The following LRRC19 variants were observed in gnomAD, a reference collection of about 807,000 sequenced individuals.
LRRC19 encodes leucine rich repeat containing 19.
Under a neutral mutation model 33.3 loss-of-function variants are expected in LRRC19, and 33 were observed. The ratio of observed to expected loss-of-function variants is 0.99; its 90% CI spans 0.75 to 1.33. LRRC19 has a LOEUF of 1.33. LRRC19 is among the 40% of genes most tolerant of loss of function. LRRC19 has a pLI of 0.00. For missense variants in LRRC19, 463 were observed against 417.3 expected (o/e 1.11, Z -0.95); for synonymous variants, 184 against 152.3 (o/e 1.21, Z -1.53).
rs1169398859 is a variant in LRRC19 at position 26,996,421 on chromosome 9, T to C, written c.674A>G (p.Glu225Gly). 1.2e-6 allele frequency: 2 copies of C among 1,609,466 alleles called. No homozygotes were observed. Among genetic ancestry groups the C allele is most frequent in the South Asian group, 1.1e-5 (1 of 90,450 alleles). ...YNIKTVPHKA[E>G]CHSKFPSSVT... ...TGATGAAGGAAATTTTGAGTGGCAT[T>C]CAGCCTTATGAGGTACTGTTTTGAT... is the stretch of plus-strand genomic sequence containing the variant. The change falls in exon 4 of 5, where the codon GAA (glutamate) becomes GGA (glycine). Residue 225 changes from glutamate to glycine, a missense_variant. Glu to Gly is a moderately conservative substitution (Grantham distance 98). Coordinates refer to ENST00000380055, the MANE Select transcript of LRRC19 (RefSeq NM_022901.3).
intron 1 of LRRC19, among the ~76,000 whole-genome samples, chr9:27,000,154 A>T (rs1379051913): frequency 6.6e-6 from 1 of 152,172 alleles, no homozygotes; most frequent in Non-Finnish European, 1.5e-5. Flanking sequence ...TTGCACTCTG[A>T]TCTTAATAAA....
chr9:27,001,666 G>A (rs760186173), intron 1 of LRRC19, among the ~76,000 whole-genome samples: 42 of 151,804 alleles, frequency 2.8e-4, no homozygotes, highest in Non-Finnish European at 5.4e-4. Flanking sequence ...GTTTTTTATC[G>A]GTTTGTTTTT....
At chr9:26,999,761 C>A (rs1587322543) in intron 1 of LRRC19, 58 bp from the exon 2 acceptor site, 533 of 637,776 alleles carry the variant, frequency 8.4e-4, no homozygotes, top group Non-Finnish European at 1.2e-3. Flanking sequence ...TCTTTTGAAT[C>A]TGTTTATTCT....
At chr9:27,002,196 A>C (rs145997721) in intron 1 of LRRC19, among the ~76,000 whole-genome samples, 3,413 of 152,238 alleles carry the variant, frequency 0.022, 62 homozygotes, top group Non-Finnish European at 0.036. Flanking sequence ...CAGTGATGCC[A>C]TTTTGGCTCA....
At chr9:26,997,676 G>C in intron 3 of LRRC19, 52 bp downstream of exon 3, 1 of 1,519,248 alleles carries the variant, frequency 6.6e-7, no homozygotes. Context: ...TTTTTCTGTG[G>C]TGGAACATTG....
intron 1 of LRRC19, among the ~76,000 whole-genome samples, chr9:27,001,569 G>A (rs1828493104): frequency 6.6e-6 from 1 of 151,936 alleles, no homozygotes; most frequent in Non-Finnish European, 1.5e-5. Flanking sequence ...CTGATGTTGA[G>A]CATTTTTTCC....
In LRRC19 at chr9:26,999,626, C is replaced by A. The variant is rs769375476; in HGVS notation, c.69G>T (p.Gln23His). The A allele has an allele frequency of 9.4e-6, 15 of 1,600,778 alleles. No individual in the cohort carries two copies. The East Asian group carries it at 3.4e-4, about 36-fold the overall frequency. The change falls in exon 2 of 5, where the codon CAG (glutamine) becomes CAT (histidine). Residue 23 changes from glutamine to histidine, a missense_variant. Physicochemically the swap from Gln to His is conservative, Grantham distance 24. Transcript: ENST00000380055. ...TGTAAAAACTTACTCTTTTAGAAGA[C>A]TGGATTTTGTCTGATAATAATATCA... is the stretch of plus-strand genomic sequence containing the variant. ...LSMILLSDKI[Q>H]SSKREVQCNF...
intron 3 of LRRC19, among the ~76,000 whole-genome samples, chr9:26,997,347 T>C (rs535146285): frequency 1.8e-4 from 26 of 147,774 alleles, no homozygotes; most frequent in South Asian, 8.8e-4. Context: ...TTTTTTTTTT[T>C]TTTTGAGACA....
chr9:26,995,999 C>A (rs1828135544), intron 4 of LRRC19, 150 bp from the exon 5 acceptor site: 1 of 663,040 alleles, frequency 1.5e-6, no homozygotes, highest in Non-Finnish European at 2.4e-6. Context: ...TGGATGAATT[C>A]TCTTTGTTCA....
At chr9:26,999,867 G>T (rs1025524153) in intron 1 of LRRC19, among the ~76,000 whole-genome samples, 164 bp from the exon 2 acceptor site, 1 of 149,412 alleles carries the variant, frequency 6.7e-6, no homozygotes, top group South Asian at 2.1e-4. Flanking sequence ...GATCTCCCAG[G>T]CTTAAGCAGT....
At chr9:26,996,116 T>A (rs2131567558) in intron 4 of LRRC19, among the ~76,000 whole-genome samples, 195 bp downstream of exon 4, 2 of 152,332 alleles carry the variant, frequency 1.3e-5, no homozygotes, top group African/African-American at 4.8e-5. Context: ...TCAGAGAAGT[T>A]AAATAATTTG....
chr9:27,001,431 A>G lies in LRRC19; in HGVS notation c.-9-1728T>C, dbSNP rs191717457. On this transcript the variant is annotated intron_variant, in intron 1 of 4. Coordinates refer to ENST00000380055, the MANE Select transcript of LRRC19 (RefSeq NM_022901.3). ...TACTAATTTACATTCCCAAGAGTGT[A>G]TGAGGGTTCCCCTTTCTCCACATCG... 4.6e-5 allele frequency among the ~76,000 whole-genome samples: 7 copies of G among 152,260 alleles called. No individual in the cohort carries two copies. The East Asian group carries it at 1.2e-3, about 25-fold the overall frequency.
rs530725392 is a variant in LRRC19 at position 26,993,669 on chromosome 9, A to G, written c.*1852T>C. On this transcript the variant is annotated 3_prime_UTR_variant, in exon 5 of 5. Coordinates refer to ENST00000380055, the MANE Select transcript of LRRC19 (RefSeq NM_022901.3). ...ATACAAATTTTTAAAACTTTATTATATACATAAACAATTTGAACATACACA... is the reference window on the plus strand; with the variant it reads ...ATACAAATTTTTAAAACTTTATTATGTACATAAACAATTTGAACATACACA... 177 of 152,322 alleles carry G rather than the reference A, an allele frequency of 1.2e-3. 1 individual carries two copies. The highest frequency in any genetic ancestry group is 4.1e-3 in the African/African-American group (170 of 41,556). 9.4% of individuals were successfully genotyped at this position (152,322 alleles called of 1,614,324 possible). A position where few individuals can be genotyped will look rare whatever the true frequency, so the allele number is the denominator to read the frequency against.
intron 1 of LRRC19, among the ~76,000 whole-genome samples, chr9:27,001,486 T>G (rs1828487968): frequency 6.6e-6 from 1 of 152,320 alleles, no homozygotes; most frequent in East Asian, 1.9e-4. Flanking sequence ...CCTGTCATAT[T>G]GATAGAAGCT....
At position 26,995,605 on chromosome 9, in the gene LRRC19, T is replaced by C; in HGVS notation, c.1029A>G (p.Glu343=). ...TNSEETTVIF[E]QLHSFVVDDD... ...CATCTACCACAAATGAATGTAATTGTTCAAATATTACTGTAGTTTCTTCAG... is the reference window on the plus strand; with the variant it reads ...CATCTACCACAAATGAATGTAATTGCTCAAATATTACTGTAGTTTCTTCAG... The change falls in exon 5 of 5, where the codon GAA becomes GAG. Residue 343 remains glutamate (E), a synonymous_variant. Transcript: ENST00000380055. 2.5e-6 allele frequency: 4 copies of C among 1,609,718 alleles called. No individual in the cohort carries two copies. Among genetic ancestry groups the C allele is most frequent in the Non-Finnish European group, 3.4e-6 (4 of 1,176,112 alleles).
chr9:26,997,664 G>T, intron 3 of LRRC19, 64 bp downstream of exon 3: 1 of 1,498,356 alleles, frequency 6.7e-7, no homozygotes, highest in Non-Finnish European at 8.9e-7. Flanking sequence ...TGATATGAGA[G>T]ATTTTTCTGT....
Position 26,998,259 on chromosome 9 carries a change from AG to A in LRRC19, c.82-19del. 3 of 1,359,596 alleles carry A rather than the reference AG, an allele frequency of 2.2e-6. No individual in the cohort carries two copies. The East Asian group carries it at 7.2e-5, about 33-fold the overall frequency. The allele number at this position is 1,359,596 out of a possible 1,614,324, so 84.2% of individuals were successfully genotyped here. On this transcript the variant is annotated intron_variant, in intron 2 of 4. Transcript: ENST00000380055. ...TGGACTTCCTAGAAAAACAAAAAAA[AG>A]AAAGGCATTAATCAGAAAAAAAATT...
chr9:27,000,337 G>A (rs1218723664), intron 1 of LRRC19, among the ~76,000 whole-genome samples: 1 of 152,088 alleles, frequency 6.6e-6, no homozygotes, highest in Admixed American at 6.6e-5. Flanking sequence ...AGAAATTCAG[G>A]AAAACGTATA....
chr9:27,000,343 G>A (rs981637327), intron 1 of LRRC19, among the ~76,000 whole-genome samples: 1 of 152,116 alleles, frequency 6.6e-6, no homozygotes, highest in Non-Finnish European at 1.5e-5. Context: ...TCAGGAAAAC[G>A]TATATTTATG....
Sources: allele counts gnomAD v4.1 joint callset (sites outside exome capture counted in the v4.1 genomes callset), GRCh38; gene constraint gnomAD v4.1.1; transcripts MANE v1.5; gene names NCBI Gene and HGNC (gene_info 2026-07-23, HGNC 2026-07-21).